The following DLG2 variants were observed in gnomAD, a reference collection of about 807,000 sequenced individuals.
DLG2 encodes the protein discs large MAGUK scaffold protein 2.
DLG2 carries 45 observed loss-of-function variants against 132.5 expected under a neutral mutation model. That is an observed-to-expected ratio of 0.34 (90% CI 0.27 to 0.44). The LOEUF (loss-of-function observed/expected upper bound fraction) is 0.44. Ranked by LOEUF, DLG2 falls within the 20% of genes least tolerant of loss-of-function variation. DLG2 has a pLI of 1.00. For missense variants in DLG2, 1,045 were observed against 1,196.9 expected, an observed-to-expected ratio of 0.87 and a Z score of 1.87; for synonymous variants, 424 against 419.6, an observed-to-expected ratio of 1.01 and a Z score of -0.13.
chr11:84,836,759 T>C (rs2079843904), intron 6 of DLG2, among the ~76,000 whole-genome samples: 1 of 151,924 alleles, frequency 6.6e-6, no homozygotes, highest in Non-Finnish European at 1.5e-5. Context: ...TGCCATAACA[T>C]TGATTTTATT....
At position 85,160,754 on chromosome 11, in the gene DLG2, C is replaced by T. The variant is rs184551289; in HGVS notation, c.187-6103G>A. ...CTCTCCCCCAGCCTGCACCAATGGCCTCATGGGGAGTTCCCTATGATCAGT... is the reference window on the plus strand; with the variant it reads ...CTCTCCCCCAGCCTGCACCAATGGCTTCATGGGGAGTTCCCTATGATCAGT... On this transcript the variant is annotated intron_variant, in intron 4 of 27. Coordinates refer to ENST00000376104, the MANE Select transcript of DLG2 (RefSeq NM_001142699.3). 2.6e-5 allele frequency among the ~76,000 whole-genome samples: 4 copies of T among 152,298 alleles called. No homozygotes were observed. The East Asian group carries it at 5.8e-4, about 22-fold the overall frequency.
At chr11:85,391,439 T>C (rs1460729506) in intron 3 of DLG2, among the ~76,000 whole-genome samples, 3 of 152,062 alleles carry the variant, frequency 2.0e-5, no homozygotes, top group African/African-American at 7.2e-5. Context: ...AATCATTCTA[T>C]GAAGCCAGTA....
At chr11:83,881,091 T>C (rs774086014) in intron 15 of DLG2, among the ~76,000 whole-genome samples, 6 of 152,174 alleles carry the variant, frequency 3.9e-5, no homozygotes, top group Non-Finnish European at 8.8e-5. Flanking sequence ...ACCAATCTAA[T>C]ATTTAAACTG....
At chr11:85,272,458 G>A (rs1431011583) in intron 4 of DLG2, among the ~76,000 whole-genome samples, 2 of 152,156 alleles carry the variant, frequency 1.3e-5, no homozygotes, top group African/African-American at 4.8e-5. Flanking sequence ...GGAAACTCAG[G>A]CAGAAATGGT....
At chr11:84,493,867 G>A (rs1007938193) in intron 7 of DLG2, among the ~76,000 whole-genome samples, 2 of 152,128 alleles carry the variant, frequency 1.3e-5, no homozygotes, top group Non-Finnish European at 2.9e-5. Flanking sequence ...ATTTTATCAG[G>A]AACATGCCAT....
intron 6 of DLG2, among the ~76,000 whole-genome samples, chr11:84,576,735 T>A (rs1209425925): frequency 1.3e-5 from 2 of 152,226 alleles, no homozygotes; most frequent in Non-Finnish European, 2.9e-5. Flanking sequence ...AATTTATTTA[T>A]TAGGTAGTTT....
At chr11:85,553,514 T>A (rs544626397) in intron 3 of DLG2, among the ~76,000 whole-genome samples, 2 of 151,524 alleles carry the variant, frequency 1.3e-5, no homozygotes, top group African/African-American at 4.8e-5. Context: ...AAATGGGGTT[T>A]CCAGCTAAAC....
intron 6 of DLG2, among the ~76,000 whole-genome samples, chr11:84,574,171 A>G (rs926823777): frequency 3.3e-5 from 5 of 152,156 alleles, no homozygotes; most frequent in African/African-American, 1.2e-4. Flanking sequence ...TCTGACAGAG[A>G]CACAAACTGG....
At chr11:85,077,410 CA>C (rs1350367874) in intron 6 of DLG2, among the ~76,000 whole-genome samples, 1 of 151,664 alleles carries the variant, frequency 6.6e-6, no homozygotes, top group Non-Finnish European at 1.5e-5. Context: ...AAGACTGCTT[CA>C]AAAAGCCTAT....
chr11:85,341,359 A>T (rs996029018), intron 3 of DLG2, among the ~76,000 whole-genome samples: 2 of 152,172 alleles, frequency 1.3e-5, no homozygotes, highest in Admixed American at 6.5e-5. Context: ...TGACCTCGTG[A>T]TCTGCCCGCC....
At chr11:84,933,587 A>G (rs1475461722) in intron 6 of DLG2, among the ~76,000 whole-genome samples, 1 of 152,066 alleles carries the variant, frequency 6.6e-6, no homozygotes, top group Non-Finnish European at 1.5e-5. Flanking sequence ...CTCTCTAGTT[A>G]GCTGTATTCC....
rs757478412 is a variant in DLG2 at position 83,792,684 on chromosome 11, T to C, written c.1723-5892A>G. 3.5e-4 allele frequency among the ~76,000 whole-genome samples: 54 copies of C among 152,206 alleles called. 1 individual carries two copies. Among genetic ancestry groups the C allele is most frequent in the Non-Finnish European group, 6.9e-4 (47 of 68,016 alleles). ...ATATTTCTTCCGATTAATCTCATTCTTTTTAATAGCTATGAGTGTTCTATT... is the reference window on the plus strand; with the variant it reads ...ATATTTCTTCCGATTAATCTCATTCCTTTTAATAGCTATGAGTGTTCTATT... On this transcript the variant is annotated intron_variant, in intron 17 of 27. Coordinates refer to ENST00000376104, the MANE Select transcript of DLG2 (RefSeq NM_001142699.3).
intron 18 of DLG2, among the ~76,000 whole-genome samples, chr11:83,725,654 G>A (rs1178077974): frequency 2.0e-5 from 3 of 152,180 alleles, no homozygotes; most frequent in Non-Finnish European, 4.4e-5. Context: ...GTTAGTTAAA[G>A]CTTTTCTTAA....
intron 3 of DLG2, among the ~76,000 whole-genome samples, chr11:85,298,177 T>C (rs2079361146): frequency 6.6e-6 from 1 of 152,050 alleles, no homozygotes. Flanking sequence ...ATAATTTGAA[T>C]CTATCAGAAA....
rs2098872460 is a variant in DLG2 at position 84,408,453 on chromosome 11, T to G, written c.519+126117A>C. On this transcript the variant is annotated intron_variant, in intron 7 of 27. Coordinates refer to ENST00000376104, the MANE Select transcript of DLG2 (RefSeq NM_001142699.3). Reference sequence around the variant, plus strand: ...TTGGTGTGCTGCACCCATTAACTCATCATTGCACATGTTATTTAAGACAAT... The same window carrying G: ...TTGGTGTGCTGCACCCATTAACTCAGCATTGCACATGTTATTTAAGACAAT... Among the ~76,000 whole-genome samples, 3 of 152,172 alleles carry G rather than the reference T, an allele frequency of 2.0e-5. No individual in the cohort carries two copies. In the South Asian group the frequency reaches 6.2e-4, roughly 32 times the overall value.
Position 84,650,873 on chromosome 11 carries a change from G to GTGTATA in DLG2, c.358-116143_358-116142insTATACA, listed in dbSNP as rs1424393386. On this transcript the variant is annotated intron_variant, in intron 6 of 27. Coordinates refer to ENST00000376104, the MANE Select transcript of DLG2 (RefSeq NM_001142699.3). The stretch of plus-strand genomic sequence containing the variant: ...TATGTGTGTGTGTGTGTGTGTGTGT[G>GTGTATA]TATATATATATATATATATATATAT... Among the ~76,000 whole-genome samples, 8 of 123,988 alleles carry GTGTATA rather than the reference G, an allele frequency of 6.5e-5. No homozygotes were observed. In the South Asian group the frequency reaches 1.6e-3, roughly 24 times the overall value. The allele number at this position is 123,988 out of a possible 152,430, so 81.3% of individuals were successfully genotyped here.
At chr11:84,461,523 G>GA (rs1351289220) in intron 7 of DLG2, among the ~76,000 whole-genome samples, 1 of 150,838 alleles carries the variant, frequency 6.6e-6, no homozygotes, top group Non-Finnish European at 1.5e-5. Context: ...CAGAAATAGG[G>GA]AAAAGTTAAT....
chr11:85,297,851 A>G (rs556804633), intron 3 of DLG2, among the ~76,000 whole-genome samples: 2 of 152,200 alleles, frequency 1.3e-5, no homozygotes, highest in Non-Finnish European at 2.9e-5. Flanking sequence ...GAATGAGGAA[A>G]GAGTCCTTGA....
chr11:83,486,318 A>G, intron 21 of DLG2: 1 of 633,920 alleles, frequency 1.6e-6, no homozygotes, highest in South Asian at 1.8e-5. Flanking sequence ...TATGTTAGAC[A>G]TTTAACTTCA....
Sources: gnomAD v4.1 joint callset for allele counts (sites outside exome capture counted in the v4.1 genomes callset) on GRCh38, gnomAD v4.1.1 for gene constraint, MANE v1.5 for transcripts, NCBI Gene and HGNC (gene_info 2026-07-23, HGNC 2026-07-21) for gene names.